Variants in ITSN1 observed in about 807,000 individuals in gnomAD.
ITSN1 encodes intersectin-1.
In ITSN1, 58 loss-of-function variants were observed where a neutral mutation model predicts 239.8. The observed-to-expected ratio is 0.24, with a 90% CI of 0.20 to 0.30. ITSN1 has a LOEUF of 0.30. ITSN1 is among the 10% of genes least tolerant of loss of function. The pLI, the probability that ITSN1 is intolerant of heterozygous loss-of-function variation, is 1.00. For missense variants in ITSN1, 1,558 were observed against 2,103.3 expected (o/e 0.74, Z 5.07); for synonymous variants, 780 against 770.8 (o/e 1.01, Z -0.20).
chr21:33,814,977 G>T (rs1173134338), intron 22 of ITSN1, among the ~76,000 whole-genome samples: 1 of 152,196 alleles, frequency 6.6e-6, no homozygotes, highest in East Asian at 1.9e-4. Flanking sequence ...AAGAGGGCTG[G>T]GATTGAGAAT....
In ITSN1 at chr21:33,721,027, A is replaced by G. The variant is rs957637065; in HGVS notation, c.29-151A>G. ...CTGTTTTACACTTTTCTAACTTTATATGCATAACTTCCAAGGACAAGAAGA... is the reference window on the plus strand; with the variant it reads ...CTGTTTTACACTTTTCTAACTTTATGTGCATAACTTCCAAGGACAAGAAGA... On this transcript the variant is annotated intron_variant, in intron 2 of 39. Transcript: ENST00000381318. 5.4e-6 allele frequency: 3 copies of G among 551,920 alleles called. No individual in the cohort carries two copies. In the Admixed American group the frequency reaches 9.1e-5, roughly 17 times the overall value. The allele number at this position is 551,920 out of a possible 1,614,324, so 34.2% of individuals were successfully genotyped here. A position where few individuals can be genotyped will look rare whatever the true frequency, so the allele number is the denominator to read the frequency against.
At chr21:33,750,000 A>G in intron 5 of ITSN1, 143 bp from the exon 6 acceptor site, 1 of 775,928 alleles carries the variant, frequency 1.3e-6, no homozygotes, top group Non-Finnish European at 2.1e-6. Context: ...GTTACTCTTT[A>G]AAATGATTAA....
intron 29 of ITSN1, chr21:33,838,132 CCT>C (rs2074691128): frequency 1.3e-5 from 13 of 985,364 alleles, no homozygotes; most frequent in African/African-American, 3.5e-5. Flanking sequence ...TAGCTGAAGC[CCT>C]GTTTGTCTTT....
intron 1 of ITSN1, among the ~76,000 whole-genome samples, chr21:33,658,662 C>G (rs370265362): frequency 9.2e-5 from 14 of 152,310 alleles, no homozygotes; most frequent in African/African-American, 3.4e-4. Context: ...CTTAAAACTT[C>G]AATACATCTA....
At chr21:33,883,331 A>G (rs1307534255) in intron 35 of ITSN1, among the ~76,000 whole-genome samples, 1 of 152,186 alleles carries the variant, frequency 6.6e-6, no homozygotes, top group Non-Finnish European at 1.5e-5. Context: ...TTACTGGAAA[A>G]CACACACGCC....
intron 4 of ITSN1, among the ~76,000 whole-genome samples, chr21:33,729,145 C>T (rs955527439): frequency 1.3e-5 from 2 of 152,192 alleles, no homozygotes; most frequent in Non-Finnish European, 2.9e-5. Flanking sequence ...GTTACATTCA[C>T]CTCCACTACA....
At chr21:33,648,072 T>C (rs1324345410) in intron 1 of ITSN1, among the ~76,000 whole-genome samples, 4 of 152,228 alleles carry the variant, frequency 2.6e-5, no homozygotes, top group African/African-American at 9.6e-5. Flanking sequence ...AGACTTCCAG[T>C]CTCCCAGCCC....
intron 39 of ITSN1, 21 bp from the exon 40 acceptor site, chr21:33,888,131 G>T: frequency 6.2e-7 from 1 of 1,613,514 alleles, no homozygotes; most frequent in African/African-American, 1.3e-5. Flanking sequence ...TCTTAGGAGG[G>T]TCTGTTTGTT....
In ITSN1 at chr21:33,899,540, C is replaced by G. The variant is rs551313388; in HGVS notation, c.*11240C>G. The G allele has an allele frequency of 6.6e-6, 1 of 152,276 alleles. No homozygotes were observed. Among genetic ancestry groups the G allele is most frequent in the Admixed American group, 6.5e-5 (1 of 15,300 alleles). 9.4% of individuals were successfully genotyped at this position (152,276 alleles called of 1,614,324 possible). On this transcript the variant is annotated 3_prime_UTR_variant, in exon 40 of 40. Coordinates refer to ENST00000381318, the MANE Select transcript of ITSN1 (RefSeq NM_003024.3). ...ATAAATTGTAGACTTACGTATTTGT[C>G]TAAAGGTTTGATGAAGCAGGGCCAA...
intron 1 of ITSN1, among the ~76,000 whole-genome samples, chr21:33,708,211 T>G (rs767949508): frequency 4.6e-5 from 7 of 152,260 alleles, no homozygotes; most frequent in African/African-American, 1.7e-4. Context: ...CTGAGCTGTC[T>G]TATTCTTAAA....
intron 1 of ITSN1, among the ~76,000 whole-genome samples, chr21:33,670,100 G>C (rs1303227963): frequency 6.6e-6 from 1 of 152,164 alleles, no homozygotes; most frequent in Non-Finnish European, 1.5e-5. Context: ...CGTGGCTCAT[G>C]CCTGTAATAC....
At chr21:33,761,555 A>G (rs1602072716) in intron 8 of ITSN1, among the ~76,000 whole-genome samples, 1 of 152,172 alleles carries the variant, frequency 6.6e-6, no homozygotes, top group African/African-American at 2.4e-5. Context: ...AGCAGCGGCA[A>G]AAGATGTTAA....
At chr21:33,650,266 C>T (rs375101548) in intron 1 of ITSN1, among the ~76,000 whole-genome samples, 10 of 152,228 alleles carry the variant, frequency 6.6e-5, no homozygotes, top group Admixed American at 1.3e-4. Context: ...AGTTCATGGA[C>T]GTGGACGAGG....
At chr21:33,689,285 C>T (rs2091396730) in intron 1 of ITSN1, 1 of 152,224 alleles carries the variant, frequency 6.6e-6, no homozygotes, top group Non-Finnish European at 1.5e-5. Flanking sequence ...ACAGTGTCTA[C>T]AGTCTCTTGA....
At chr21:33,885,578 T>A in intron 38 of ITSN1, 56 bp downstream of exon 38, 1 of 1,310,038 alleles carries the variant, frequency 7.6e-7, no homozygotes, top group Non-Finnish European at 1.1e-6. Context: ...AGGGTCCGGG[T>A]TCCCCACACC....
At chr21:33,751,963 C>G (rs2067586149) in intron 7 of ITSN1, 57 bp downstream of exon 7, 2 of 1,113,518 alleles carry the variant, frequency 1.8e-6, no homozygotes, top group Non-Finnish European at 2.7e-6. Flanking sequence ...CTGATTAAAT[C>G]ATAAATTTGA....
rs8134790 is a variant in ITSN1 at position 33,895,559 on chromosome 21, G to C, written c.*7259G>C. ...TCTACGTGTGTGTGCACGCATGTGTGTGCGTGTATGTGTGCGTGTGTGCAT... is the reference window on the plus strand; with the variant it reads ...TCTACGTGTGTGTGCACGCATGTGTCTGCGTGTATGTGTGCGTGTGTGCAT... On this transcript the variant is annotated 3_prime_UTR_variant, in exon 40 of 40. Coordinates refer to ENST00000381318, the MANE Select transcript of ITSN1 (RefSeq NM_003024.3). 2 of 150,184 alleles carry C rather than the reference G, an allele frequency of 1.3e-5. No homozygotes were observed. Among genetic ancestry groups the C allele is most frequent in the African/African-American group, 4.9e-5 (2 of 40,902 alleles). The allele number at this position is 150,184 out of a possible 1,614,324, so 9.3% of individuals were successfully genotyped here.
intron 18 of ITSN1, 25 bp from the exon 19 acceptor site, chr21:33,799,782 TC>T (rs769604056): frequency 6.8e-6 from 11 of 1,610,906 alleles, no homozygotes; most frequent in South Asian, 5.5e-5. Flanking sequence ...TTTATTTTTG[TC>T]CCCCCCACCT....
intron 7 of ITSN1, among the ~76,000 whole-genome samples, chr21:33,752,338 T>A (rs1297933053): frequency 6.7e-6 from 1 of 149,036 alleles, no homozygotes; most frequent in African/African-American, 2.6e-5. Flanking sequence ...TCAGATAATC[T>A]TGTGGAGTTT....
Sources: gnomAD v4.1 joint callset for allele counts (sites outside exome capture counted in the v4.1 genomes callset) on GRCh38, gnomAD v4.1.1 for gene constraint, MANE v1.5 for transcripts, NCBI Gene and HGNC (gene_info 2026-07-23, HGNC 2026-07-21) for gene names.